Variants in RECK observed in about 807,000 individuals in gnomAD.
RECK encodes the protein reversion inducing cysteine rich protein with kazal motifs.
RECK carries 69 observed loss-of-function variants against 115.1 expected under a neutral mutation model. That is an observed-to-expected ratio of 0.60 (90% CI 0.49 to 0.73). The LOEUF (loss-of-function observed/expected upper bound fraction) is 0.73, where lower values mean the gene tolerates loss of function less well. Ranked by LOEUF, RECK falls within the 30% of genes least tolerant of loss-of-function variation. The pLI is 0.00. For missense variants in RECK, 1,047 were observed against 1,203.7 expected, an observed-to-expected ratio of 0.87 and a Z score of 1.93; for synonymous variants, 414 against 419.7, an observed-to-expected ratio of 0.99 and a Z score of 0.17.
chr9:36,087,137 C>T (rs930145262), intron 8 of RECK, among the ~76,000 whole-genome samples: 74 of 151,990 alleles, frequency 4.9e-4, no homozygotes, highest in Non-Finnish European at 1.5e-4. Flanking sequence ...CACTACACTG[C>T]CATGTTCTGT....
rs1184162206 is a variant in RECK, at chr9:36,083,425, C to T, written c.500C>T (p.Ala167Val). 1 of 1,614,046 alleles carries T rather than the reference C, an allele frequency of 6.2e-7. No individual in the cohort carries two copies. The highest frequency in any genetic ancestry group is 1.7e-5 in the Admixed American group (1 of 60,006). ...HHTNCREYCQAIFRTDSSPGP... is the reference protein window; with the variant it reads ...HHTNCREYCQVIFRTDSSPGP... ...ACAAACTGCCGAGAATACTGTCAAG[C>T]CATTTTTCGAACAGACTCTTCTCCT... Residue 167 changes from alanine to valine, a missense_variant, in exon 8 of 21, where the codon GCC (alanine) becomes GTC (valine). Coordinates refer to ENST00000377966, the MANE Select transcript of RECK (RefSeq NM_021111.3).
rs991321518 is a variant in RECK, at chr9:36,123,117, G to C, written c.*72G>C. 8.1e-7 allele frequency: 1 copy of C among 1,231,598 alleles called. No individual in the cohort carries two copies. Among genetic ancestry groups the C allele is most frequent in the African/African-American group, 1.5e-5 (1 of 66,594 alleles). The allele number at this position is 1,231,598 out of a possible 1,614,324, so 76.3% of individuals were successfully genotyped here. A position where few individuals can be genotyped will look rare whatever the true frequency, so the allele number is the denominator to read the frequency against. Reference sequence around the variant, plus strand: ...TTGAAAAAGACATTCAGGACTGCTGGTTTGTAGTTGAATATTGGCCAAGGA... The same window carrying C: ...TTGAAAAAGACATTCAGGACTGCTGCTTTGTAGTTGAATATTGGCCAAGGA... On this transcript the variant is annotated 3_prime_UTR_variant, in exon 21 of 21. Coordinates refer to ENST00000377966, the MANE Select transcript of RECK (RefSeq NM_021111.3).
In RECK at chr9:36,036,958, G is replaced by T. The variant is rs952760146; in HGVS notation, c.-41G>T. On this transcript the variant is annotated 5_prime_UTR_variant, in exon 1 of 21. Coordinates refer to ENST00000377966, the MANE Select transcript of RECK (RefSeq NM_021111.3). ...GGCGGCAGCGGCTGCGGCCAAGCTG[G>T]GTCCGAGCATCCCGCGGCTCTGGAG... The T allele has an allele frequency of 1.5e-6, 2 of 1,333,284 alleles. No homozygotes were observed. 82.6% of individuals were successfully genotyped at this position (1,333,284 alleles called of 1,614,324 possible).
rs542531636 is a variant in RECK at position 36,094,302 on chromosome 9, A to C, written c.1085+2959A>C. Among the ~76,000 whole-genome samples, 3 of 152,232 alleles carry C rather than the reference A, an allele frequency of 2.0e-5. No homozygotes were observed. The South Asian group carries it at 6.2e-4, about 32-fold the overall frequency. ...TATACATAGAAGTAAAATATATGAT[A>C]TATGACAGTAGCAAAAAGGATAAGA... On this transcript the variant is annotated intron_variant, in intron 10 of 20. Transcript: ENST00000377966. This position sits in a 1 kb window ranked among gnomAD's most constrained non-coding sequence, Gnocchi z 4.1.
intron 12 of RECK, among the ~76,000 whole-genome samples, chr9:36,102,881 GGGA>G (rs1823615861): frequency 6.7e-6 from 1 of 149,594 alleles, no homozygotes; most frequent in South Asian, 2.1e-4. Flanking sequence ...GCGTGAACCT[GGGA>G]GGCAGAGCTT....
At position 36,122,967 on chromosome 9, in the gene RECK, G is replaced by A; in HGVS notation, c.2838G>A (p.Arg946=). 1 of 1,614,036 alleles carries A rather than the reference G, an allele frequency of 6.2e-7. No individual in the cohort carries two copies. Among genetic ancestry groups the A allele is most frequent in the Non-Finnish European group, 8.5e-7 (1 of 1,180,022 alleles). The change falls in exon 21 of 21, where the codon AGG becomes AGA. Residue 946 remains arginine (R), a synonymous_variant. Coordinates refer to ENST00000377966, the MANE Select transcript of RECK (RefSeq NM_021111.3). ...GCAGTGTGCCATCGGCCGGTGTCAG[G>A]GCCAGGCCTTCTTGCCACTCCCTCC... ...VSSSVPSAGV[R]ARPSCHSLLL...
intron 10 of RECK, among the ~76,000 whole-genome samples, chr9:36,093,383 G>A (rs185712990): frequency 2.1e-4 from 32 of 151,942 alleles, no homozygotes; most frequent in African/African-American, 7.7e-4. Context: ...CCCAACTATT[G>A]GAATTAGCAG....
intron 6 of RECK, among the ~76,000 whole-genome samples, chr9:36,072,249 A>T (rs1338587731): frequency 6.6e-6 from 1 of 152,174 alleles, no homozygotes; most frequent in Non-Finnish European, 1.5e-5. Flanking sequence ...TTTTCTTTCA[A>T]ATTAACTTTG....
chr9:36,102,299 A>G (rs1823595042), intron 12 of RECK, 69 bp downstream of exon 12: 3 of 1,370,734 alleles, frequency 2.2e-6, no homozygotes, highest in South Asian at 1.3e-5. Context: ...TTGTTTTACT[A>G]TTTGTTTTGG....
chr9:36,121,446 T>G, intron 19 of RECK, 87 bp from the exon 20 acceptor site: 1 of 1,311,740 alleles, frequency 7.6e-7, no homozygotes, highest in Non-Finnish European at 1.1e-6. Context: ...CAAAAGAGCC[T>G]CCTCAGCTGG....
intron 16 of RECK, among the ~76,000 whole-genome samples, chr9:36,116,057 C>G (rs1824246672): frequency 6.6e-6 from 1 of 151,246 alleles, no homozygotes; most frequent in Non-Finnish European, 1.5e-5. Context: ...CATTTGCAAC[C>G]AGCTGGTATC....
chr9:36,117,777 C>T (rs1482096729), intron 17 of RECK, among the ~76,000 whole-genome samples: 1 of 152,156 alleles, frequency 6.6e-6, no homozygotes, highest in East Asian at 1.9e-4. Context: ...GTCAGGAGTT[C>T]AAGATCAGCT....
At chr9:36,045,440 A>C (rs762035928) in intron 1 of RECK, among the ~76,000 whole-genome samples, 15 of 152,028 alleles carry the variant, frequency 9.9e-5, no homozygotes, top group Non-Finnish European at 1.9e-4. Flanking sequence ...TCCAGTATCA[A>C]CTCAGATTTA....
Position 36,036,971 on chromosome 9 carries a change from C to A in RECK, c.-28C>A, listed in dbSNP as rs772133633. ...GCGGCCAAGCTGGGTCCGAGCATCC[C>A]GCGGCTCTGGAGCCGCCCGGCCCGG... On this transcript the variant is annotated 5_prime_UTR_variant, in exon 1 of 21. Transcript: ENST00000377966. The A allele has an allele frequency of 1.4e-6, 2 of 1,387,244 alleles. No individual in the cohort carries two copies. The highest frequency in any genetic ancestry group is 1.9e-6 in the Non-Finnish European group (2 of 1,063,848). The allele number at this position is 1,387,244 out of a possible 1,614,324, so 85.9% of individuals were successfully genotyped here. A position where few individuals can be genotyped will look rare whatever the true frequency, so the allele number is the denominator to read the frequency against.
chr9:36,072,623 A>G (rs1588296005), intron 6 of RECK: 1 of 152,332 alleles, frequency 6.6e-6, no homozygotes, highest in South Asian at 2.1e-4. Flanking sequence ...TAAATAGAAG[A>G]CTATGAATGA....
At chr9:36,080,697 G>A in intron 7 of RECK, 59 bp downstream of exon 7, 1 of 1,486,392 alleles carries the variant, frequency 6.7e-7, no homozygotes, top group Non-Finnish European at 9.3e-7. Context: ...GCCATCTGAA[G>A]CAATGTGCAC....
At chr9:36,055,011 G>A (rs1821464859) in intron 2 of RECK, among the ~76,000 whole-genome samples, 1 of 152,164 alleles carries the variant, frequency 6.6e-6, no homozygotes, top group African/African-American at 2.4e-5. Flanking sequence ...TTATAACAGA[G>A]GAAGGAGATA....
At chr9:36,084,917 T>C (rs1325684197) in intron 8 of RECK, among the ~76,000 whole-genome samples, 1 of 152,002 alleles carries the variant, frequency 6.6e-6, no homozygotes, top group Non-Finnish European at 1.5e-5. Flanking sequence ...TAACTGGGCA[T>C]GGTGGCACAT....
intron 16 of RECK, 53 bp from the exon 17 acceptor site, chr9:36,116,932 C>G: frequency 6.1e-6 from 9 of 1,465,800 alleles, no homozygotes; most frequent in Non-Finnish European, 8.4e-6. Context: ...TTTGCTAGCC[C>G]CACCACAGTC....
Sources: gnomAD v4.1 joint callset for allele counts (sites outside exome capture counted in the v4.1 genomes callset) on GRCh38, gnomAD v4.1.1 for gene constraint, Gnocchi (gnomAD v3.1) non-coding constraint, MANE v1.5 for transcripts, NCBI Gene and HGNC (gene_info 2026-07-23, HGNC 2026-07-21) for gene names.